ANKS1B: variants seen among roughly 807,000 people sequenced by gnomAD.
The protein encoded by ANKS1B is ankyrin repeat and sterile alpha motif domain-containing protein 1B.
In ANKS1B, 36 loss-of-function variants were observed where a neutral mutation model predicts 148.3. The observed-to-expected ratio is 0.24, with a 90% CI of 0.19 to 0.32. The LOEUF (loss-of-function observed/expected upper bound fraction) is 0.32, where lower values mean the gene tolerates loss of function less well. ANKS1B is among the 10% of genes least tolerant of loss of function. ANKS1B has a pLI of 1.00. For synonymous variants in ANKS1B, 542 were observed against 560.8 expected, an observed-to-expected ratio of 0.97 and a Z score of 0.47; for missense variants, 1,157 against 1,542.6, an observed-to-expected ratio of 0.75 and a Z score of 4.19.
At chr12:99,052,103 T>C (rs929807823) in intron 17 of ANKS1B, among the ~76,000 whole-genome samples, 1 of 152,236 alleles carries the variant, frequency 6.6e-6, no homozygotes, top group Non-Finnish European at 1.5e-5. Flanking sequence ...AAATGTGTGC[T>C]ATGCCAAATA....
intron 9 of ANKS1B, among the ~76,000 whole-genome samples, chr12:99,628,238 C>T (rs1218201180): frequency 6.6e-6 from 1 of 152,062 alleles, no homozygotes; most frequent in Non-Finnish European, 1.5e-5. Context: ...ATCTTATGAG[C>T]CCACCATCAT....
At chr12:99,299,714 T>C (rs1157255749) in intron 12 of ANKS1B, among the ~76,000 whole-genome samples, 3 of 152,192 alleles carry the variant, frequency 2.0e-5, no homozygotes, top group Non-Finnish European at 2.9e-5. Context: ...CATATCTATA[T>C]GCATACCCAT....
At chr12:99,292,735 C>A (rs2080199237) in intron 12 of ANKS1B, among the ~76,000 whole-genome samples, 1 of 152,144 alleles carries the variant, frequency 6.6e-6, no homozygotes, top group Admixed American at 6.5e-5. Context: ...ATCCAGCCAA[C>A]AGACACAAGG....
intron 17 of ANKS1B, among the ~76,000 whole-genome samples, chr12:98,888,030 C>G (rs545091293): frequency 1.3e-5 from 2 of 152,282 alleles, no homozygotes; most frequent in South Asian, 4.2e-4. Context: ...TAGAAAGATG[C>G]CTTAAATGAT....
chr12:99,870,269 G>T (rs1377256307), intron 1 of ANKS1B, among the ~76,000 whole-genome samples: 8 of 152,112 alleles, frequency 5.3e-5, no homozygotes, highest in African/African-American at 1.4e-4. Flanking sequence ...TAAAGGACAT[G>T]ATTTCAATCT....
chr12:99,032,893 CTTTA>C lies in ANKS1B; in HGVS notation c.2778+20260_2778+20263del, dbSNP rs529083190. ...ATTATTTCTCTGATTACATTTTAGT[CTTTA>C]TTTCTCATGTTAAAGTAAAAAATAG... On this transcript the variant is annotated intron_variant, in intron 17 of 26. Transcript: ENST00000683438. 2.0e-5 allele frequency among the ~76,000 whole-genome samples: 3 copies of C among 152,206 alleles called. No homozygotes were observed. In the East Asian group the frequency reaches 5.8e-4, roughly 29 times the overall value.
At chr12:99,289,124 C>T (rs1456925676) in intron 12 of ANKS1B, among the ~76,000 whole-genome samples, 2 of 151,802 alleles carry the variant, frequency 1.3e-5, no homozygotes, top group African/African-American at 2.4e-5. Context: ...TAGCTGTGCT[C>T]ATATGAGACA....
chr12:99,073,682 G>A (rs1165226036), intron 16 of ANKS1B, among the ~76,000 whole-genome samples: 1 of 152,142 alleles, frequency 6.6e-6, no homozygotes, highest in Admixed American at 6.5e-5. Context: ...GTGGTCCATG[G>A]AGGCTGCAAA....
intron 9 of ANKS1B, among the ~76,000 whole-genome samples, chr12:99,560,075 T>C (rs900797887): frequency 8.5e-5 from 13 of 152,178 alleles, no homozygotes; most frequent in African/African-American, 2.9e-4. Flanking sequence ...GTATGAAGCA[T>C]TCAGTAATAC....
rs2093638604 is a variant in ANKS1B, at chr12:99,381,406, T to C, written c.1756+18225A>G. Among the ~76,000 whole-genome samples the C allele has an allele frequency of 2.0e-5, 3 of 152,160 alleles. No individual in the cohort carries two copies. In the South Asian group the frequency reaches 6.2e-4, roughly 32 times the overall value. ...AAAGCCATATAAGTGGCTAAGATCA[T>C]CCAACGCACTGTGTAGAATGAGACA... On this transcript the variant is annotated intron_variant, in intron 12 of 26. Coordinates refer to ENST00000683438, the MANE Select transcript of ANKS1B (RefSeq NM_001352186.2).
chr12:99,488,849 T>C (rs2096527893), intron 10 of ANKS1B, among the ~76,000 whole-genome samples: 1 of 152,188 alleles, frequency 6.6e-6, no homozygotes, highest in African/African-American at 2.4e-5. Context: ...CATTATTGTT[T>C]GGAACACTGG....
At chr12:99,158,459 T>C (rs2076303743) in intron 14 of ANKS1B, among the ~76,000 whole-genome samples, 1 of 152,162 alleles carries the variant, frequency 6.6e-6, no homozygotes, top group Non-Finnish European at 1.5e-5. Context: ...GGAATTTTCT[T>C]TGTCATAGTC....
intron 17 of ANKS1B, among the ~76,000 whole-genome samples, chr12:99,018,920 G>C (rs1054491538): frequency 2.2e-4 from 34 of 152,162 alleles, no homozygotes; most frequent in African/African-American, 7.2e-4. Context: ...TCCAGCCTGG[G>C]TAACAGAGTG....
At chr12:99,675,384 C>T (rs1280452999) in intron 8 of ANKS1B, among the ~76,000 whole-genome samples, 2 of 151,722 alleles carry the variant, frequency 1.3e-5, no homozygotes, top group Admixed American at 6.6e-5. Context: ...TCTTTAAAAT[C>T]ATATTCTCAG....
At chr12:98,756,904 T>C (rs2098261880) in intron 25 of ANKS1B, among the ~76,000 whole-genome samples, 1 of 151,814 alleles carries the variant, frequency 6.6e-6, no homozygotes, top group South Asian at 2.1e-4. Flanking sequence ...CTTTTTTGTA[T>C]TTTTAGTAAA....
chr12:99,490,246 C>A (rs2096542630), intron 10 of ANKS1B, among the ~76,000 whole-genome samples: 1 of 152,174 alleles, frequency 6.6e-6, no homozygotes, highest in Admixed American at 6.5e-5. Context: ...AGAGATGGTT[C>A]TGAACAGTAA....
At chr12:98,813,954 C>T (rs2099118367) in intron 19 of ANKS1B, among the ~76,000 whole-genome samples, 1 of 151,474 alleles carries the variant, frequency 6.6e-6, no homozygotes, top group African/African-American at 2.4e-5. Context: ...GGTCTTGGCT[C>T]ACTGCAACCT....
At chr12:99,193,609 T>C (rs71462266) in intron 14 of ANKS1B, among the ~76,000 whole-genome samples, 777 of 152,248 alleles carry the variant, frequency 5.1e-3, no homozygotes, top group Middle Eastern at 0.014. Context: ...TCTTATGTTG[T>C]AGGAGTGTCA....
chr12:99,179,717 A>G (rs1216076266), intron 14 of ANKS1B, among the ~76,000 whole-genome samples: 1 of 152,166 alleles, frequency 6.6e-6, no homozygotes, highest in Non-Finnish European at 1.5e-5. Context: ...CATCTATAAA[A>G]TTAGGAAAAT....
Sources: allele counts gnomAD v4.1 joint callset (sites outside exome capture counted in the v4.1 genomes callset), GRCh38; gene constraint gnomAD v4.1.1; transcripts MANE v1.5; gene names NCBI Gene and HGNC (gene_info 2026-07-23, HGNC 2026-07-21).